The following EPB41L2 variants were observed in gnomAD, a reference collection of about 807,000 sequenced individuals.
EPB41L2 encodes the protein erythrocyte membrane protein band 4.1 like 2.
A neutral mutation model predicts 113.0 loss-of-function variants in EPB41L2; 43 were observed. That is an observed-to-expected ratio of 0.38 (90% confidence interval 0.30 to 0.49). The LOEUF (loss-of-function observed/expected upper bound fraction) is 0.49, where lower values mean the gene tolerates loss of function less well. Among genes scored for constraint, EPB41L2 ranks in the 20% least tolerant of loss-of-function variants. The pLI is 0.95. For missense variants in EPB41L2, 1,147 were observed against 1,223.4 expected, an observed-to-expected ratio of 0.94 and a Z score of 0.93; for synonymous variants, 442 against 436.7, an observed-to-expected ratio of 1.01 and a Z score of -0.15.
At chr6:130,856,608 G>A (rs1780288006) in intron 19 of EPB41L2, among the ~76,000 whole-genome samples, 1 of 152,240 alleles carries the variant, frequency 6.6e-6, no homozygotes, top group Non-Finnish European at 1.5e-5. Flanking sequence ...CCTAGTGGAT[G>A]CAACAGCAGG....
chr6:131,043,116 T>C (rs1352684174), intron 1 of EPB41L2, among the ~76,000 whole-genome samples: 2 of 151,980 alleles, frequency 1.3e-5, no homozygotes, highest in African/African-American at 2.4e-5. Context: ...CTGGTAAACA[T>C]GGCAAAACCC....
At chr6:131,025,455 C>A (rs1248653029) in intron 1 of EPB41L2, among the ~76,000 whole-genome samples, 1 of 152,114 alleles carries the variant, frequency 6.6e-6, no homozygotes, top group Non-Finnish European at 1.5e-5. Context: ...TATTACACTG[C>A]CCAAATGTAC....
At chr6:130,872,395 G>A in intron 14 of EPB41L2, 1 of 1,289,138 alleles carries the variant, frequency 7.8e-7, no homozygotes, top group Non-Finnish European at 1.0e-6. Context: ...AGAAGGGCGA[G>A]GAAGAAAGCT....
intron 1 of EPB41L2, among the ~76,000 whole-genome samples, chr6:131,022,933 C>G (rs980151853): frequency 6.6e-6 from 1 of 152,144 alleles, no homozygotes; most frequent in Non-Finnish European, 1.5e-5. Context: ...CTCTAGAAGA[C>G]GATTTCCACA....
intron 14 of EPB41L2, among the ~76,000 whole-genome samples, chr6:130,871,578 T>C (rs1785693971): frequency 1.3e-5 from 2 of 152,202 alleles, no homozygotes; most frequent in African/African-American, 4.8e-5. Flanking sequence ...TGCAGCACTG[T>C]CAACGTCTAC....
At chr6:130,858,325 AC>A in intron 18 of EPB41L2, 82 bp from the exon 19 acceptor site, 1 of 1,066,526 alleles carries the variant, frequency 9.4e-7, no homozygotes, top group Non-Finnish European at 1.4e-6. Flanking sequence ...CACACTGATC[AC>A]CTCGGACCCA....
chr6:130,874,623 A>G (rs1786900525), intron 14 of EPB41L2, among the ~76,000 whole-genome samples: 1 of 152,216 alleles, frequency 6.6e-6, no homozygotes, highest in South Asian at 2.1e-4. Context: ...TGTAATAAGA[A>G]CAATCTATAT....
At chr6:130,971,595 T>C (rs1222540318) in intron 1 of EPB41L2, among the ~76,000 whole-genome samples, 1 of 152,224 alleles carries the variant, frequency 6.6e-6, no homozygotes, top group Non-Finnish European at 1.5e-5. Context: ...AAATGGATAA[T>C]TCACATCCTG....
At chr6:130,934,539 C>T (rs1388302717) in intron 3 of EPB41L2, among the ~76,000 whole-genome samples, 1 of 152,120 alleles carries the variant, frequency 6.6e-6, no homozygotes, top group Admixed American at 6.5e-5. Flanking sequence ...GTGGCACAAT[C>T]CTGGCTCACT....
At chr6:130,990,982 A>G (rs1781728959) in intron 1 of EPB41L2, among the ~76,000 whole-genome samples, 1 of 148,226 alleles carries the variant, frequency 6.7e-6, no homozygotes, top group South Asian at 2.2e-4. Context: ...GCATGCCACC[A>G]AGCCTGGCTA....
chr6:130,954,008 T>G (rs1816289600), intron 3 of EPB41L2, among the ~76,000 whole-genome samples: 1 of 148,574 alleles, frequency 6.7e-6, no homozygotes, highest in South Asian at 2.1e-4. Flanking sequence ...AAGACAAGGA[T>G]TTTTAATCCT....
At chr6:130,930,633 T>C (rs1806508350) in intron 3 of EPB41L2, among the ~76,000 whole-genome samples, 1 of 152,044 alleles carries the variant, frequency 6.6e-6, no homozygotes, top group South Asian at 2.1e-4. Flanking sequence ...TTTAAACTGG[T>C]CCAAGATTAG....
At chr6:130,963,042 T>A (rs2105250) in intron 1 of EPB41L2, among the ~76,000 whole-genome samples, 119,252 of 152,106 alleles carry the variant, frequency 0.78, 47,259 homozygotes, top group East Asian at 1. Context: ...CAGAGAAGAA[T>A]AAGCCTGATG....
At chr6:130,909,065 A>G (rs1475830873) in intron 4 of EPB41L2, among the ~76,000 whole-genome samples, 2 of 152,172 alleles carry the variant, frequency 1.3e-5, no homozygotes, top group Admixed American at 6.5e-5. Flanking sequence ...AGTGTGTACT[A>G]TAAGTAAAAT....
intron 18 of EPB41L2, among the ~76,000 whole-genome samples, chr6:130,861,174 A>G (rs953936671): frequency 3.3e-5 from 5 of 151,730 alleles, no homozygotes; most frequent in Non-Finnish European, 5.9e-5. Flanking sequence ...CCAGGTTCAC[A>G]CCATTCTCCT....
intron 1 of EPB41L2, among the ~76,000 whole-genome samples, chr6:131,027,770 T>C (rs1056633448): frequency 4.6e-5 from 7 of 152,104 alleles, no homozygotes; most frequent in Admixed American, 4.6e-4. Context: ...CCCATAAACA[T>C]ATACACCAAC....
intron 3 of EPB41L2, among the ~76,000 whole-genome samples, chr6:130,929,332 A>G (rs898104580): frequency 1.3e-5 from 2 of 152,196 alleles, no homozygotes; most frequent in African/African-American, 4.8e-5. Context: ...AAAATAACTT[A>G]CTTTTTACTT....
At chr6:130,852,508 A>G (rs942397794) in intron 19 of EPB41L2, among the ~76,000 whole-genome samples, 43 of 152,276 alleles carry the variant, frequency 2.8e-4, no homozygotes, top group African/African-American at 1.0e-3. Context: ...GCAAAAGACA[A>G]AACTCATGTA....
At chr6:130,939,009 G>A (rs558552953) in intron 3 of EPB41L2, among the ~76,000 whole-genome samples, 10 of 152,122 alleles carry the variant, frequency 6.6e-5, no homozygotes, top group East Asian at 5.8e-4. Flanking sequence ...GTCTAACGGC[G>A]AAAAGCACCA....
Sources: gnomAD v4.1 joint callset for allele counts (sites outside exome capture counted in the v4.1 genomes callset) on GRCh38, gnomAD v4.1.1 for gene constraint, MANE v1.5 for transcripts, NCBI Gene and HGNC (gene_info 2026-07-23, HGNC 2026-07-21) for gene names.